The following GRIN2A variants were observed in gnomAD, a reference collection of about 807,000 sequenced individuals.
GRIN2A encodes the protein glutamate receptor ionotropic, NMDA 2A.
In GRIN2A, 22 loss-of-function variants were observed where a neutral mutation model predicts 113.4. The observed-to-expected ratio is 0.19, with a 90% CI of 0.14 to 0.28. The LOEUF (loss-of-function observed/expected upper bound fraction) is 0.28. GRIN2A is among the 10% of genes least tolerant of loss of function. The probability of loss-of-function intolerance (pLI) is 1.00; values close to 1 mark genes in which losing one functional copy is unlikely to be tolerated. For synonymous variants in GRIN2A, 827 were observed against 738.4 expected (o/e 1.12, Z -1.94); for missense variants, 1,502 against 1,887.0 (o/e 0.80, Z 3.78).
chr16:9,830,338 C>T (rs931503412), intron 8 of GRIN2A, among the ~76,000 whole-genome samples: 1 of 152,136 alleles, frequency 6.6e-6, no homozygotes, highest in Non-Finnish European at 1.5e-5. Flanking sequence ...AATAGCTATG[C>T]AGCCCTTTTA....
chr16:9,882,137 G>T (rs565635673), intron 4 of GRIN2A, among the ~76,000 whole-genome samples: 102 of 152,132 alleles, frequency 6.7e-4, no homozygotes, highest in African/African-American at 2.3e-3. Context: ...AAACTCACTG[G>T]GCCCTGCTAG....
At chr16:9,907,051 A>T (rs1596567724) in intron 3 of GRIN2A, among the ~76,000 whole-genome samples, 1 of 152,144 alleles carries the variant, frequency 6.6e-6, no homozygotes, top group South Asian at 2.1e-4. Flanking sequence ...GGACTCGAGC[A>T]ATCTGCCCAC....
intron 2 of GRIN2A, among the ~76,000 whole-genome samples, chr16:9,988,987 A>T (rs1444018931): frequency 2.0e-5 from 3 of 152,190 alleles, no homozygotes; most frequent in African/African-American, 4.8e-5. Flanking sequence ...AAAGGAAACA[A>T]TGTTGAATCT....
At chr16:10,136,536 A>C (rs924959086) in intron 2 of GRIN2A, among the ~76,000 whole-genome samples, 7 of 152,086 alleles carry the variant, frequency 4.6e-5, no homozygotes, top group Non-Finnish European at 4.4e-5. Context: ...CTAAAGGTTA[A>C]AGATACTGAT....
rs921188240 is a variant in GRIN2A at position 9,761,573 on chromosome 16, A to C, written c.*1576T>G. The C allele has an allele frequency of 3.1e-4, 72 of 229,070 alleles. No individual in the cohort carries two copies. The highest frequency in any genetic ancestry group is 9.5e-5 in the Non-Finnish European group (11 of 115,624). The allele number at this position is 229,070 out of a possible 1,614,324, so 14.2% of individuals were successfully genotyped here. A position where few individuals can be genotyped will look rare whatever the true frequency, so the allele number is the denominator to read the frequency against. The stretch of plus-strand genomic sequence containing the variant: ...GTTAATATTATTTGCTGGTTTTATG[A>C]TATTTAATTTTTAAACTAGAAAATC... On this transcript the variant is annotated 3_prime_UTR_variant, in exon 13 of 13. Coordinates refer to ENST00000330684, the MANE Select transcript of GRIN2A (RefSeq NM_001134407.3).
chr16:9,842,614 A>C (rs1344460528), intron 5 of GRIN2A, among the ~76,000 whole-genome samples: 1 of 152,224 alleles, frequency 6.6e-6, no homozygotes, highest in Non-Finnish European at 1.5e-5. Context: ...AGATGAGCTT[A>C]TGAAATAACT....
chr16:9,814,965 G>T (rs2042158079), intron 10 of GRIN2A, among the ~76,000 whole-genome samples: 1 of 150,638 alleles, frequency 6.6e-6, no homozygotes, highest in Non-Finnish European at 1.5e-5. Context: ...AGGTTGTGGT[G>T]AGCCGAGATT....
intron 2 of GRIN2A, among the ~76,000 whole-genome samples, chr16:9,953,658 G>T (rs939928130): frequency 1.3e-5 from 2 of 152,150 alleles, no homozygotes; most frequent in African/African-American, 4.8e-5. Flanking sequence ...GTGGAAAAGA[G>T]GCAGAGAAGG....
At chr16:10,110,945 C>G (rs181974776) in intron 2 of GRIN2A, among the ~76,000 whole-genome samples, 1 of 152,292 alleles carries the variant, frequency 6.6e-6, no homozygotes, top group African/African-American at 2.4e-5. Context: ...TTCTGCTATT[C>G]AGGGATGTAT....
Position 9,756,086 on chromosome 16 carries a change from C to G in GRIN2A, c.*7063G>C, listed in dbSNP as rs978930281. 4.4e-6 allele frequency: 1 copy of G among 226,072 alleles called. No individual in the cohort carries two copies. Among genetic ancestry groups the G allele is most frequent in the Non-Finnish European group, 8.8e-6 (1 of 113,610 alleles). 14.0% of individuals were successfully genotyped at this position (226,072 alleles called of 1,614,324 possible). ...TAATATCACCTCTTTGAACATGGGT[C>G]ACAATATTTAGGAGGACTTTAATGG... On this transcript the variant is annotated 3_prime_UTR_variant, in exon 13 of 13. Coordinates refer to ENST00000330684, the MANE Select transcript of GRIN2A (RefSeq NM_001134407.3).
intron 3 of GRIN2A, among the ~76,000 whole-genome samples, chr16:9,935,340 C>T (rs2044687675): frequency 6.6e-6 from 1 of 152,088 alleles, no homozygotes; most frequent in Non-Finnish European, 1.5e-5. Context: ...TGAGTTCCTT[C>T]CTGATATCTG....
chr16:9,943,146 C>T (rs554411707), intron 2 of GRIN2A: 1 of 152,384 alleles, frequency 6.6e-6, no homozygotes, highest in South Asian at 2.1e-4. Context: ...CCTGCCATGG[C>T]TCAGCCTGTA....
chr16:9,808,422 A>G (rs2042022470), intron 10 of GRIN2A, among the ~76,000 whole-genome samples: 1 of 152,220 alleles, frequency 6.6e-6, no homozygotes, highest in African/African-American at 2.4e-5. Context: ...CTTGTCACAC[A>G]GGAGGACTGA....
rs2141106654 is a variant in GRIN2A, at chr16:9,754,303, G to A, written c.*8846C>T. 4.9e-6 allele frequency: 1 copy of A among 204,900 alleles called. No individual in the cohort carries two copies. The highest frequency in any genetic ancestry group is 7.4e-5 in the East Asian group (1 of 13,454). The allele number at this position is 204,900 out of a possible 1,614,324, so 12.7% of individuals were successfully genotyped here. On this transcript the variant is annotated 3_prime_UTR_variant, in exon 13 of 13. Coordinates refer to ENST00000330684, the MANE Select transcript of GRIN2A (RefSeq NM_001134407.3). ...TAAGATTCATAGTTAAAAACAACTG[G>A]TAAAGAAATCTTTGGGGACCCTCAG...
intron 2 of GRIN2A, among the ~76,000 whole-genome samples, chr16:9,981,159 G>A (rs928559585): frequency 2.0e-5 from 3 of 152,072 alleles, no homozygotes; most frequent in Non-Finnish European, 2.9e-5. Flanking sequence ...ATTACCATTA[G>A]AATAAAAACT....
intron 11 of GRIN2A, among the ~76,000 whole-genome samples, chr16:9,775,390 C>T (rs1283109366): frequency 6.6e-6 from 1 of 152,124 alleles, no homozygotes; most frequent in Non-Finnish European, 1.5e-5. Flanking sequence ...TTCATTCACT[C>T]ATTGAAAAGA....
At chr16:9,948,104 T>G (rs1262614364) in intron 2 of GRIN2A, among the ~76,000 whole-genome samples, 1 of 152,196 alleles carries the variant, frequency 6.6e-6, no homozygotes, top group East Asian at 1.9e-4. Context: ...GAAAGCAGGT[T>G]GACAACCCAT....
At chr16:9,859,699 C>G (rs186889276) in intron 4 of GRIN2A, among the ~76,000 whole-genome samples, 2 of 151,542 alleles carry the variant, frequency 1.3e-5, no homozygotes, top group African/African-American at 2.4e-5. Flanking sequence ...ACACCCTGAA[C>G]GACACCCACT....
intron 11 of GRIN2A, among the ~76,000 whole-genome samples, chr16:9,792,285 T>G (rs1048742264): frequency 2.0e-5 from 3 of 152,168 alleles, no homozygotes; most frequent in Non-Finnish European, 4.4e-5. Flanking sequence ...TGCAGTGACA[T>G]GATCATGGCT....
Sources: allele counts gnomAD v4.1 joint callset (sites outside exome capture counted in the v4.1 genomes callset), GRCh38; gene constraint gnomAD v4.1.1; transcripts MANE v1.5; gene names NCBI Gene and HGNC (gene_info 2026-07-23, HGNC 2026-07-21).